Variants in CCSER1 observed in about 807,000 individuals in gnomAD.
CCSER1 encodes the protein coiled-coil serine rich protein 1, also known as serine-rich coiled-coil domain-containing protein 1.
In CCSER1, 41 loss-of-function variants were observed where a neutral mutation model predicts 82.0. That is an observed-to-expected ratio of 0.50 (90% confidence interval 0.39 to 0.65). The LOEUF (loss-of-function observed/expected upper bound fraction) is 0.65. Among genes scored for constraint, CCSER1 ranks in the 30% least tolerant of loss-of-function variants. The pLI, the probability that CCSER1 is intolerant of heterozygous loss-of-function variation, is 0.00. For missense variants in CCSER1, 1,119 were observed against 1,064.2 expected (o/e 1.05, Z -0.72); for synonymous variants, 414 against 383.9 (o/e 1.08, Z -0.92).
chr4:91,329,150 C>T (rs982533612), intron 10 of CCSER1, among the ~76,000 whole-genome samples: 1 of 152,136 alleles, frequency 6.6e-6, no homozygotes, highest in South Asian at 2.1e-4. Flanking sequence ...TCACATAGAA[C>T]TCTAATTTAT....
rs530755143 is a variant in CCSER1, at chr4:90,698,524, T to C, written c.1933-25390T>C. ...GCATTCCCCATTTACAAATTGATCT[T>C]TTCCATGCATTTCGTCATTCTTTCT... On this transcript the variant is annotated intron_variant, in intron 6 of 10. Transcript: ENST00000509176. 4.6e-5 allele frequency among the ~76,000 whole-genome samples: 7 copies of C among 152,326 alleles called. No homozygotes were observed. The South Asian group carries it at 1.4e-3, about 32-fold the overall frequency.
At position 91,005,363 on chromosome 4, in the gene CCSER1, A is replaced by G. The variant is rs565679857; in HGVS notation, c.2173-80587A>G. On this transcript the variant is annotated intron_variant, in intron 9 of 10. Coordinates refer to ENST00000509176, the MANE Select transcript of CCSER1 (RefSeq NM_001145065.2). The stretch of plus-strand genomic sequence containing the variant: ...GCATATTTAGACCACTTCCAATTTT[A>G]TTGTTTTATATATCATGAAGTAATT... Among the ~76,000 whole-genome samples the G allele has an allele frequency of 2.6e-4, 39 of 151,386 alleles. No homozygotes were observed. In the South Asian group the frequency reaches 7.7e-3, roughly 30 times the overall value.
At chr4:91,113,859 T>C (rs1458155582) in intron 10 of CCSER1, among the ~76,000 whole-genome samples, 1 of 152,064 alleles carries the variant, frequency 6.6e-6, no homozygotes, top group Non-Finnish European at 1.5e-5. Context: ...CATTTTTTTT[T>C]TTTTCTTTTT....
At chr4:91,088,369 A>C (rs903505733) in intron 10 of CCSER1, among the ~76,000 whole-genome samples, 1 of 152,192 alleles carries the variant, frequency 6.6e-6, no homozygotes, top group Admixed American at 6.5e-5. Context: ...AGTAATGAAA[A>C]CAGAGTATTC....
chr4:91,452,193 G>A (rs1378875626), intron 10 of CCSER1, among the ~76,000 whole-genome samples: 3 of 151,910 alleles, frequency 2.0e-5, no homozygotes, highest in Non-Finnish European at 4.4e-5. Flanking sequence ...CCTCTCTTTT[G>A]CCAGTACAAT....
At chr4:91,470,949 C>G (rs762478082) in intron 10 of CCSER1, among the ~76,000 whole-genome samples, 10 of 152,124 alleles carry the variant, frequency 6.6e-5, no homozygotes, top group African/African-American at 2.4e-4. Context: ...CCTGCATATT[C>G]TAATGTATAT....
At chr4:91,394,463 C>G (rs1751844486) in intron 10 of CCSER1, among the ~76,000 whole-genome samples, 2 of 151,870 alleles carry the variant, frequency 1.3e-5, no homozygotes, top group Non-Finnish European at 2.9e-5. Flanking sequence ...CTGTGTTTTT[C>G]TCTTGAGCCA....
intron 10 of CCSER1, among the ~76,000 whole-genome samples, chr4:91,520,846 C>A (rs895099657): frequency 1.3e-5 from 2 of 152,116 alleles, no homozygotes; most frequent in African/African-American, 4.8e-5. Context: ...TGTGAATTAT[C>A]AGTTGGAAAA....
In CCSER1 at chr4:91,600,854, T is replaced by C. The variant is rs1764792281; in HGVS notation, c.*1797T>C. 1 of 152,146 alleles carries C rather than the reference T, an allele frequency of 6.6e-6. No homozygotes were observed. Among genetic ancestry groups the C allele is most frequent in the Non-Finnish European group, 1.5e-5 (1 of 68,006 alleles). The allele number at this position is 152,146 out of a possible 1,614,324, so 9.4% of individuals were successfully genotyped here. Reference sequence around the variant, plus strand: ...TCTGCCAAAAGAGAACAATATACACTGCAAATTGCTTGACTTAATGAGATT... The same window carrying C: ...TCTGCCAAAAGAGAACAATATACACCGCAAATTGCTTGACTTAATGAGATT... On this transcript the variant is annotated 3_prime_UTR_variant, in exon 11 of 11. Coordinates refer to ENST00000509176, the MANE Select transcript of CCSER1 (RefSeq NM_001145065.2).
intron 8 of CCSER1, among the ~76,000 whole-genome samples, chr4:90,836,974 C>T (rs1761881605): frequency 6.6e-6 from 1 of 152,182 alleles, no homozygotes; most frequent in African/African-American, 2.4e-5. Flanking sequence ...ATAACTTTAT[C>T]TACCACTAAT....
chr4:91,042,512 ATTTAG>A (rs1274545994), intron 9 of CCSER1, among the ~76,000 whole-genome samples: 1 of 152,142 alleles, frequency 6.6e-6, no homozygotes, highest in African/African-American at 2.4e-5. Context: ...ATGTCTCCTT[ATTTAG>A]TTTATCAAAG....
chr4:90,933,087 G>GA lies in CCSER1; in HGVS notation c.2172+9644dup, dbSNP rs148273807. ...GAAAGAAGAAAAGAAAGAAAGAAAAGAAAAGAAAGAAAGAAACAATGTTGT... is the reference window on the plus strand; with the variant it reads ...GAAAGAAGAAAAGAAAGAAAGAAAAGAAAAAGAAAGAAAGAAACAATGTTGT... On this transcript the variant is annotated intron_variant, in intron 9 of 10. Transcript: ENST00000509176. Among the ~76,000 whole-genome samples, 232 of 45,736 alleles carry GA rather than the reference G, an allele frequency of 5.1e-3. 70 individuals are homozygous for GA. The highest frequency in any genetic ancestry group is 0.039 in the East Asian group (97 of 2,482). The allele number at this position is 45,736 out of a possible 152,430, so 30.0% of individuals were successfully genotyped here.
chr4:90,404,474 C>T (rs1341622454), intron 4 of CCSER1, among the ~76,000 whole-genome samples: 1 of 152,096 alleles, frequency 6.6e-6, no homozygotes, highest in African/African-American at 2.4e-5. Flanking sequence ...ACCAAGTGTC[C>T]CTAGGGCAAG....
chr4:90,277,545 T>G (rs1483269547), intron 1 of CCSER1, among the ~76,000 whole-genome samples: 2 of 152,084 alleles, frequency 1.3e-5, no homozygotes, highest in African/African-American at 4.8e-5. Context: ...CCATCTGATC[T>G]TAAACAAACT....
intron 10 of CCSER1, among the ~76,000 whole-genome samples, chr4:91,341,228 T>C (rs1747698566): frequency 6.6e-6 from 1 of 152,200 alleles, no homozygotes; most frequent in Non-Finnish European, 1.5e-5. Flanking sequence ...TTTTCATAAT[T>C]TTCTCTTTAT....
At chr4:91,539,428 A>G (rs940330239) in intron 10 of CCSER1, among the ~76,000 whole-genome samples, 28 of 152,042 alleles carry the variant, frequency 1.8e-4, no homozygotes, top group African/African-American at 6.8e-4. Context: ...TGTTCTAGCT[A>G]ATGTTTTCTA....
intron 8 of CCSER1, among the ~76,000 whole-genome samples, chr4:90,873,068 T>C (rs1177831759): frequency 6.6e-6 from 1 of 152,032 alleles, no homozygotes; most frequent in African/African-American, 2.4e-5. Flanking sequence ...GCGGGTTAAA[T>C]CTGCTTGGTT....
chr4:91,517,918 A>G (rs1760234667), intron 10 of CCSER1, among the ~76,000 whole-genome samples: 1 of 152,172 alleles, frequency 6.6e-6, no homozygotes, highest in Non-Finnish European at 1.5e-5. Flanking sequence ...GTATGATAGC[A>G]AAACATTTTT....
chr4:90,493,861 T>C (rs1234574508), intron 5 of CCSER1, among the ~76,000 whole-genome samples: 5 of 152,132 alleles, frequency 3.3e-5, no homozygotes, highest in Non-Finnish European at 5.9e-5. Context: ...CCTCAGCTAA[T>C]GAGCAAAATA....
Sources: gnomAD v4.1 joint callset for allele counts (sites outside exome capture counted in the v4.1 genomes callset) on GRCh38, gnomAD v4.1.1 for gene constraint, MANE v1.5 for transcripts, NCBI Gene and HGNC (gene_info 2026-07-23, HGNC 2026-07-21) for gene names.